The following CACNG3 variants were observed in gnomAD, a reference collection of about 807,000 sequenced individuals.
The protein encoded by CACNG3 is calcium voltage-gated channel auxiliary subunit gamma 3.
A neutral mutation model predicts 28.5 loss-of-function variants in CACNG3; 3 were observed. The ratio of observed to expected loss-of-function variants is 0.11; its 90% CI spans 0.05 to 0.27. The LOEUF (loss-of-function observed/expected upper bound fraction) is 0.27, where lower values mean the gene tolerates loss of function less well. Ranked by LOEUF, CACNG3 falls within the 10% of genes least tolerant of loss-of-function variation. The pLI, the probability that CACNG3 is intolerant of heterozygous loss-of-function variation, is 1.00. For synonymous variants in CACNG3, 174 were observed against 162.2 expected, an observed-to-expected ratio of 1.07 and a Z score of -0.55; for missense variants, 236 against 414.4, an observed-to-expected ratio of 0.57 and a Z score of 3.74.
rs765991984 is a variant in CACNG3 at position 24,256,981 on chromosome 16, T to C, written c.211+16T>C. 2 of 1,454,224 alleles carry C rather than the reference T, an allele frequency of 1.4e-6. No individual in the cohort carries two copies. The highest frequency in any genetic ancestry group is 1.9e-6 in the Non-Finnish European group (2 of 1,034,274). The allele number at this position is 1,454,224 out of a possible 1,614,324, so 90.1% of individuals were successfully genotyped here. ...TGCCTAGAAGGTATTTACAATTTCCTCTCAATAGCTCTGAATAATCCAGTT... is the reference window on the plus strand; with the variant it reads ...TGCCTAGAAGGTATTTACAATTTCCCCTCAATAGCTCTGAATAATCCAGTT... On this transcript the variant is annotated intron_variant, in intron 1 of 3. Transcript: ENST00000005284. The surrounding 1 kb of genome is among the most constrained non-coding windows in gnomAD (Gnocchi z 4.6).
chr16:24,354,756 G>A (rs1209519983), intron 2 of CACNG3, 77 bp from the exon 3 acceptor site: 3 of 1,443,984 alleles, frequency 2.1e-6, no homozygotes, highest in African/African-American at 2.8e-5. Flanking sequence ...TTCCTCTCAG[G>A]CACTCCTGCG....
At chr16:24,290,144 A>T (rs1218241598) in intron 1 of CACNG3, among the ~76,000 whole-genome samples, 1 of 152,252 alleles carries the variant, frequency 6.6e-6, no homozygotes, top group African/African-American at 2.4e-5. Flanking sequence ...CAAACATTTC[A>T]TATATTTGTG....
chr16:24,272,180 A>G (rs1898699611), intron 1 of CACNG3, among the ~76,000 whole-genome samples: 1 of 151,988 alleles, frequency 6.6e-6, no homozygotes, highest in Non-Finnish European at 1.5e-5. Flanking sequence ...TTCGAGTGGT[A>G]TATTTTTCCT....
intron 1 of CACNG3, among the ~76,000 whole-genome samples, chr16:24,262,584 A>G (rs80265831): frequency 0.035 from 5,331 of 152,298 alleles, 308 homozygotes; most frequent in African/African-American, 0.12. Flanking sequence ...AAGGGTGAAG[A>G]CCTGGCCCCA....
intron 2 of CACNG3, among the ~76,000 whole-genome samples, chr16:24,351,085 A>C (rs1899933301): frequency 6.6e-6 from 1 of 152,236 alleles, no homozygotes; most frequent in Non-Finnish European, 1.5e-5. Context: ...AGGACTTTGC[A>C]GCAGGCCAGA....
rs549671779 is a variant in CACNG3, at chr16:24,265,359, G to A, written c.211+8394G>A. The stretch of plus-strand genomic sequence containing the variant: ...AGGAAAGAAAGAAAAAGGAAAGAAA[G>A]AAAGAAAGAAAAAAGAAAGAAAGAA... On this transcript the variant is annotated intron_variant, in intron 1 of 3. Coordinates refer to ENST00000005284, the MANE Select transcript of CACNG3 (RefSeq NM_006539.4). Among the ~76,000 whole-genome samples the A allele has an allele frequency of 6.9e-5, 9 of 129,940 alleles. No individual in the cohort carries two copies. The South Asian group carries it at 2.1e-3, about 30-fold the overall frequency. The allele number at this position is 129,940 out of a possible 152,430, so 85.2% of individuals were successfully genotyped here.
intron 1 of CACNG3, among the ~76,000 whole-genome samples, chr16:24,316,434 C>T (rs1456162126): frequency 2.6e-5 from 4 of 151,318 alleles, no homozygotes; most frequent in Non-Finnish European, 5.9e-5. Context: ...TCTGCCTGCT[C>T]TAAAGTGGAC....
intron 1 of CACNG3, among the ~76,000 whole-genome samples, chr16:24,342,889 T>C (rs1899810713): frequency 6.6e-6 from 1 of 152,020 alleles, no homozygotes; most frequent in African/African-American, 2.4e-5. Context: ...CTTTAGACCA[T>C]TAAAAACTGG....
At chr16:24,348,943 C>G (rs182603398) in intron 2 of CACNG3, among the ~76,000 whole-genome samples, 1 of 152,298 alleles carries the variant, frequency 6.6e-6, no homozygotes, top group Non-Finnish European at 1.5e-5. Context: ...TTTTTCTCGT[C>G]TGGGAAGATG....
chr16:24,269,777 GAAAGAAAGAA>G (rs1415656715), intron 1 of CACNG3, among the ~76,000 whole-genome samples: 9 of 129,638 alleles, frequency 6.9e-5, no homozygotes, highest in African/African-American at 1.2e-4. Flanking sequence ...AGAGAAAGAA[GAAAGAAAGAA>G]AAAGAAAGAA....
intron 1 of CACNG3, among the ~76,000 whole-genome samples, chr16:24,281,120 A>C (rs925864684): frequency 6.6e-6 from 1 of 152,188 alleles, no homozygotes. Context: ...ACTCCATTTC[A>C]GAGTAATGGA....
At position 24,346,811 on chromosome 16, in the gene CACNG3, C is replaced by T. The variant is rs771606027; in HGVS notation, c.289C>T (p.Leu97Phe). Residue 97 changes from leucine (L) to phenylalanine (F), a missense_variant, in exon 2 of 4, where the codon CTC (leucine) becomes TTC (phenylalanine). This residue lies in a region of CACNG3 where 120 missense variants were observed against 263.4 expected (regional missense o/e 0.46). Coordinates refer to ENST00000005284, the MANE Select transcript of CACNG3 (RefSeq NM_006539.4). The stretch of plus-strand genomic sequence containing the variant: ...CTACGAACAGGACACAGCCGAATAT[C>T]TCCTGCGTAAGTTCCCCGGCTTCTC... ...ADYEQDTAEY[L>F]LRAVRASSVF... 1.2e-6 allele frequency: 2 copies of T among 1,613,684 alleles called. No individual in the cohort carries two copies. Among genetic ancestry groups the T allele is most frequent in the Non-Finnish European group, 1.7e-6 (2 of 1,179,558 alleles).
chr16:24,256,701 C>A lies in CACNG3; in HGVS notation c.-54C>A. On this transcript the variant is annotated 5_prime_UTR_variant, in exon 1 of 4. Transcript: ENST00000005284. The surrounding 1 kb of genome is among the most constrained non-coding windows in gnomAD (Gnocchi z 4.6). ...CCGGCTGCAGAGTGATTTTCCCCTC[C>A]GGCACTGACTCTCCCCCTCCAACCC... 1.7e-6 allele frequency: 2 copies of A among 1,205,616 alleles called. No homozygotes were observed. Among genetic ancestry groups the A allele is most frequent in the South Asian group, 1.2e-5 (1 of 82,680 alleles). The allele number at this position is 1,205,616 out of a possible 1,614,324, so 74.7% of individuals were successfully genotyped here.
intron 2 of CACNG3, among the ~76,000 whole-genome samples, chr16:24,354,212 C>T (rs1488988145): frequency 6.6e-6 from 1 of 152,118 alleles, no homozygotes; most frequent in African/African-American, 2.4e-5. Context: ...AAGCAAAAAA[C>T]AAAACAGAAC....
intron 1 of CACNG3, among the ~76,000 whole-genome samples, chr16:24,286,847 G>A (rs530959016): frequency 6.6e-6 from 1 of 152,338 alleles, no homozygotes; most frequent in African/African-American, 2.4e-5. Flanking sequence ...CTTAACGACT[G>A]TGTGGGATTT....
chr16:24,303,203 C>T (rs1333018851), intron 1 of CACNG3, among the ~76,000 whole-genome samples: 2 of 152,166 alleles, frequency 1.3e-5, no homozygotes, highest in Non-Finnish European at 2.9e-5. Flanking sequence ...AGCCACATTC[C>T]TCGCTGTCTC....
chr16:24,286,408 A>G (rs1898893629), intron 1 of CACNG3, among the ~76,000 whole-genome samples: 1 of 34,454 alleles, frequency 2.9e-5, no homozygotes, highest in Admixed American at 2.9e-4. Context: ...TAAATGAAGG[A>G]CACACACACA....
chr16:24,273,371 T>C (rs1350131467), intron 1 of CACNG3, among the ~76,000 whole-genome samples: 1 of 152,240 alleles, frequency 6.6e-6, no homozygotes, highest in Non-Finnish European at 1.5e-5. Flanking sequence ...TGATTAGCTT[T>C]CTAATTTTTT....
chr16:24,262,088 C>T (rs1898543998), intron 1 of CACNG3, among the ~76,000 whole-genome samples: 1 of 152,164 alleles, frequency 6.6e-6, no homozygotes, highest in African/African-American at 2.4e-5. Context: ...GGATTATTGT[C>T]TTTGGGGCAC....
Sources: allele counts gnomAD v4.1 joint callset (sites outside exome capture counted in the v4.1 genomes callset), GRCh38; gene constraint gnomAD v4.1.1; regional missense constraint gnomAD v4.1.1; non-coding constraint Gnocchi (gnomAD v3.1); transcripts MANE v1.5; gene names NCBI Gene and HGNC (gene_info 2026-07-23, HGNC 2026-07-21).